The following MAGI2 variants were observed in gnomAD, a reference collection of about 807,000 sequenced individuals.
MAGI2 encodes membrane associated guanylate kinase, WW and PDZ domain containing 2, also known as membrane-associated guanylate kinase, WW and PDZ domain-containing protein 2.
A neutral mutation model predicts 133.3 loss-of-function variants in MAGI2; 35 were observed. That is an observed-to-expected ratio of 0.26 (90% CI 0.20 to 0.35). The LOEUF (loss-of-function observed/expected upper bound fraction) is 0.35. Among genes scored for constraint, MAGI2 ranks in the 10% least tolerant of loss-of-function variants. The pLI is 1.00. For missense variants in MAGI2, 1,636 were observed against 1,863.4 expected (o/e 0.88, Z 2.25); for synonymous variants, 729 against 710.6 (o/e 1.03, Z -0.41).
chr7:78,458,639 G>GC (rs1184632782), intron 6 of MAGI2, among the ~76,000 whole-genome samples: 1 of 146,372 alleles, frequency 6.8e-6, no homozygotes, highest in Non-Finnish European at 1.5e-5. Context: ...TTTTTGTTAG[G>GC]TTTTTTTTTT....
chr7:78,757,277 TCCTCCCTC>T (rs931066353), intron 2 of MAGI2, among the ~76,000 whole-genome samples: 4 of 147,304 alleles, frequency 2.7e-5, no homozygotes, highest in African/African-American at 9.9e-5. Context: ...AAATCTCCCC[TCCTCCCTC>T]CCTCCCTCCT....
chr7:78,914,892 A>C (rs1258386682), intron 2 of MAGI2, among the ~76,000 whole-genome samples: 4 of 152,156 alleles, frequency 2.6e-5, no homozygotes, highest in African/African-American at 9.7e-5. Context: ...CTACAAGTTA[A>C]AGCAGAAGAT....
chr7:78,711,163 C>T (rs1412546382), intron 2 of MAGI2, among the ~76,000 whole-genome samples: 3 of 152,048 alleles, frequency 2.0e-5, no homozygotes, highest in East Asian at 3.9e-4. Flanking sequence ...TTGAAGTTTA[C>T]GTATATAATT....
chr7:78,959,223 T>C (rs984818049), intron 2 of MAGI2, among the ~76,000 whole-genome samples: 5 of 152,152 alleles, frequency 3.3e-5, no homozygotes, highest in Non-Finnish European at 4.4e-5. Context: ...GCTTCACCAC[T>C]TGGTTCATGC....
At chr7:78,614,108 TAA>T (rs10558658) in intron 3 of MAGI2, among the ~76,000 whole-genome samples, 90,203 of 147,322 alleles carry the variant, frequency 0.61, 27,710 homozygotes, top group Middle Eastern at 0.73. Flanking sequence ...AGACTTCATC[TAA>T]AAAAAAAAAA....
At chr7:79,280,138 C>T (rs1173626394) in intron 1 of MAGI2, among the ~76,000 whole-genome samples, 1 of 152,040 alleles carries the variant, frequency 6.6e-6, no homozygotes, top group Non-Finnish European at 1.5e-5. Context: ...AAGTCTTGGT[C>T]TCTGTGTTAA....
At chr7:79,358,659 G>A (rs1842180956) in intron 1 of MAGI2, among the ~76,000 whole-genome samples, 1 of 152,184 alleles carries the variant, frequency 6.6e-6, no homozygotes, top group African/African-American at 2.4e-5. Context: ...GAGAGTTAGG[G>A]GGAAGCACTG....
At chr7:78,838,919 A>C (rs1156359090) in intron 2 of MAGI2, among the ~76,000 whole-genome samples, 1 of 152,118 alleles carries the variant, frequency 6.6e-6, no homozygotes, top group African/African-American at 2.4e-5. Context: ...TGTAAACACC[A>C]TGAGATACTC....
At chr7:78,859,942 T>G (rs2151498149) in intron 2 of MAGI2, among the ~76,000 whole-genome samples, 1 of 152,318 alleles carries the variant, frequency 6.6e-6, no homozygotes, top group African/African-American at 2.4e-5. Flanking sequence ...TCATTTCTTT[T>G]TACTCTTTTT....
intron 1 of MAGI2, among the ~76,000 whole-genome samples, chr7:79,280,428 A>G (rs547573727): frequency 3.9e-5 from 6 of 152,274 alleles, no homozygotes; most frequent in African/African-American, 1.4e-4. Flanking sequence ...TCTAGGATGT[A>G]AGAGGTATCA....
intron 6 of MAGI2, among the ~76,000 whole-genome samples, chr7:78,380,519 C>G (rs900547504): frequency 6.6e-6 from 1 of 152,088 alleles, no homozygotes; most frequent in Non-Finnish European, 1.5e-5. Context: ...CACATGTTCT[C>G]ACCCAGCTGT....
At chr7:78,625,682 C>G (rs1372238158) in intron 3 of MAGI2, among the ~76,000 whole-genome samples, 4 of 152,174 alleles carry the variant, frequency 2.6e-5, no homozygotes, top group Non-Finnish European at 5.9e-5. Flanking sequence ...GAGCAACTTA[C>G]AGTCCTGCAA....
Position 78,044,706 on chromosome 7 carries a change from C to T in MAGI2, c.3707-24730G>A, listed in dbSNP as rs7780163. On this transcript the variant is annotated intron_variant, in intron 21 of 21. Coordinates refer to ENST00000354212, the MANE Select transcript of MAGI2 (RefSeq NM_012301.4). ...GTGTGTGTGTGTGTGTGTGTGTGTG[C>T]ACGTGTGCACACGCAGTTGGCTCCC... Among the ~76,000 whole-genome samples the T allele has an allele frequency of 4.0e-3, 454 of 113,588 alleles. 2 individuals carry two copies. The highest frequency in any genetic ancestry group is 0.014 in the African/African-American group (410 of 29,640). 74.5% of individuals were successfully genotyped at this position (113,588 alleles called of 152,430 possible).
intron 2 of MAGI2, among the ~76,000 whole-genome samples, chr7:78,856,503 T>G (rs1490633841): frequency 6.6e-6 from 1 of 152,232 alleles, no homozygotes; most frequent in African/African-American, 2.4e-5. Context: ...ATTTATTAAA[T>G]AGGGAATCCT....
intron 1 of MAGI2, among the ~76,000 whole-genome samples, chr7:79,039,864 T>C (rs1018402539): frequency 6.9e-6 from 1 of 144,754 alleles, no homozygotes; most frequent in African/African-American, 2.5e-5. Flanking sequence ...ATTATATATA[T>C]ATAATATATA....
intron 6 of MAGI2, among the ~76,000 whole-genome samples, chr7:78,479,575 C>T (rs1792146252): frequency 6.6e-6 from 1 of 151,896 alleles, no homozygotes; most frequent in African/African-American, 2.4e-5. Context: ...GCTCTGCAAG[C>T]TAAATGCATC....
intron 3 of MAGI2, among the ~76,000 whole-genome samples, chr7:78,606,873 T>A (rs12668335): frequency 0.071 from 10,763 of 152,252 alleles, 412 homozygotes; most frequent in East Asian, 0.08. Flanking sequence ...CTGTTTTTCA[T>A]CTACATGGGC....
intron 2 of MAGI2, among the ~76,000 whole-genome samples, chr7:78,640,256 A>G (rs995674435): frequency 6.6e-6 from 1 of 152,200 alleles, no homozygotes; most frequent in Non-Finnish European, 1.5e-5. Context: ...AAATTTTTCC[A>G]TAAAACTATC....
intron 3 of MAGI2, among the ~76,000 whole-genome samples, chr7:78,579,317 G>T (rs1802596482): frequency 6.6e-6 from 1 of 152,180 alleles, no homozygotes. Context: ...TGAATACAAT[G>T]AATGGATGGA....
Sources: allele counts gnomAD v4.1 joint callset (sites outside exome capture counted in the v4.1 genomes callset), GRCh38; gene constraint gnomAD v4.1.1; transcripts MANE v1.5; gene names NCBI Gene and HGNC (gene_info 2026-07-23, HGNC 2026-07-21).